Variants in TMEM120B observed in about 807,000 individuals in gnomAD.
TMEM120B encodes transmembrane protein 120B.
A neutral mutation model predicts 55.5 loss-of-function variants in TMEM120B; 31 were observed. The observed-to-expected ratio is 0.56, with a 90% CI of 0.42 to 0.75. The LOEUF (loss-of-function observed/expected upper bound fraction) is 0.75. Ranked by LOEUF, TMEM120B falls within the 30% of genes least tolerant of loss-of-function variation. TMEM120B has a pLI of 0.00. For missense variants in TMEM120B, 399 were observed against 425.5 expected (o/e 0.94, Z 0.55); for synonymous variants, 203 against 176.3 (o/e 1.15, Z -1.20).
chr12:121,768,649 G>A (rs1873923644), intron 6 of TMEM120B, among the ~76,000 whole-genome samples: 1 of 152,210 alleles, frequency 6.6e-6, no homozygotes, highest in Non-Finnish European at 1.5e-5. Flanking sequence ...GGGGAGGAGG[G>A]AGTTGGCTGC....
At chr12:121,743,347 G>A (rs1037375166) in intron 1 of TMEM120B, among the ~76,000 whole-genome samples, 4 of 151,320 alleles carry the variant, frequency 2.6e-5, no homozygotes, top group Non-Finnish European at 5.9e-5. Flanking sequence ...CCAGGAGTTC[G>A]AGACCAGCCT....
chr12:121,762,690 GA>G (rs1184939459), intron 6 of TMEM120B, among the ~76,000 whole-genome samples: 6 of 152,222 alleles, frequency 3.9e-5, no homozygotes, highest in African/African-American at 1.2e-4. Flanking sequence ...GGGTTTTGGT[GA>G]CAAGAGTGGG....
intron 5 of TMEM120B, among the ~76,000 whole-genome samples, chr12:121,759,670 T>G (rs1873605599): frequency 6.7e-6 from 1 of 149,226 alleles, no homozygotes; most frequent in Non-Finnish European, 1.5e-5. Flanking sequence ...AGAGTGAAAC[T>G]CCGTGTCAAA....
chr12:121,722,377 G>A (rs139993019), intron 1 of TMEM120B, among the ~76,000 whole-genome samples: 4 of 152,264 alleles, frequency 2.6e-5, no homozygotes, highest in Non-Finnish European at 4.4e-5. Flanking sequence ...GATTAGAGGC[G>A]TAAGCCACTG....
At chr12:121,727,467 T>C (rs555544988) in intron 1 of TMEM120B, among the ~76,000 whole-genome samples, 126 of 149,728 alleles carry the variant, frequency 8.4e-4, no homozygotes, top group Non-Finnish European at 1.5e-3. Flanking sequence ...GCTGGGGAAG[T>C]TGAGGCTGTG....
chr12:121,718,900 C>T (rs1398627370), intron 1 of TMEM120B, among the ~76,000 whole-genome samples: 1 of 152,150 alleles, frequency 6.6e-6, no homozygotes, highest in African/African-American at 2.4e-5. Context: ...GGATGTCTCT[C>T]TCTCTCTCCT....
chr12:121,775,717 C>A lies in TMEM120B; in HGVS notation c.1015C>A (p.Pro339Thr), dbSNP rs1468285361. The part of the protein sequence containing the change: ...LQKNRGKTKQ[P>T] ...GAAGAACAGAGGCAAGACAAAGCAGCCGTGAGCCTCGGGCTCCTGTGCCCT... is the reference window on the plus strand; with the variant it reads ...GAAGAACAGAGGCAAGACAAAGCAGACGTGAGCCTCGGGCTCCTGTGCCCT... Residue 339 changes from proline (P) to threonine (T), a missense_variant, in exon 12 of 12, where the codon CCG (proline) becomes ACG (threonine). By Grantham distance (38) the Pro-to-Thr change is conservative. This residue lies in a region of TMEM120B where 260 missense variants were observed against 303.9 expected (regional missense o/e 0.86). Transcript: ENST00000449592. This position sits in a 1 kb window ranked among gnomAD's most constrained non-coding sequence, Gnocchi z 4.3. 6.2e-7 allele frequency: 1 copy of A among 1,613,908 alleles called. No individual in the cohort carries two copies. Among genetic ancestry groups the A allele is most frequent in the African/African-American group, 1.3e-5 (1 of 75,050 alleles).
intron 3 of TMEM120B, among the ~76,000 whole-genome samples, chr12:121,749,549 G>C (rs901503680): frequency 3.5e-4 from 53 of 152,256 alleles, no homozygotes; most frequent in African/African-American, 1.3e-3. Flanking sequence ...GTGCTGGTGT[G>C]TACCCATAAT....
At chr12:121,724,222 A>T (rs1383996293) in intron 1 of TMEM120B, among the ~76,000 whole-genome samples, 2 of 151,788 alleles carry the variant, frequency 1.3e-5, no homozygotes, top group Non-Finnish European at 2.9e-5. Flanking sequence ...TATTTTTAGT[A>T]GAGACGGTTT....
chr12:121,734,597 T>G (rs1895069638), intron 1 of TMEM120B, among the ~76,000 whole-genome samples: 1 of 151,772 alleles, frequency 6.6e-6, no homozygotes, highest in African/African-American at 2.4e-5. Flanking sequence ...GTTTGCAAAA[T>G]AAGTTTTATT....
intron 2 of TMEM120B, among the ~76,000 whole-genome samples, chr12:121,746,756 C>T (rs1267478657): frequency 6.6e-6 from 1 of 151,970 alleles, no homozygotes; most frequent in African/African-American, 2.4e-5. Flanking sequence ...AGATCGAGAC[C>T]ATCCTGGCTA....
chr12:121,713,552 G>T (rs540983752), intron 1 of TMEM120B, among the ~76,000 whole-genome samples: 1 of 152,264 alleles, frequency 6.6e-6, no homozygotes, highest in South Asian at 2.1e-4. Context: ...CTGTCAGTTC[G>T]GACAGCTGAG....
In TMEM120B at chr12:121,780,966, A is replaced by G. The variant is rs772715001; in HGVS notation, c.*5244A>G. 5.0e-5 allele frequency: 80 copies of G among 1,613,918 alleles called. No homozygotes were observed. The highest frequency in any genetic ancestry group is 6.4e-5 in the Non-Finnish European group (75 of 1,179,968). On this transcript the variant is annotated 3_prime_UTR_variant, in exon 12 of 12. Transcript: ENST00000449592. ...GTCTGTCTTGCAGCCGATGAGCACC[A>G]TGGGGATCCCGCGGCAGAAATGCGT...
At position 121,779,809 on chromosome 12, in the gene TMEM120B, TCA is replaced by T. The variant is rs976279404; in HGVS notation, c.*4090_*4091del. ...CTGTCTCCTCCATCCTGGCTGCCCCTCACAGTGTGTGGGTGGAATGGAGGGCC... is the reference window on the plus strand; with the variant it reads ...CTGTCTCCTCCATCCTGGCTGCCCCTCAGTGTGTGGGTGGAATGGAGGGCC... On this transcript the variant is annotated 3_prime_UTR_variant, in exon 12 of 12. Coordinates refer to ENST00000449592, the MANE Select transcript of TMEM120B (RefSeq NM_001080825.2). 2.0e-5 allele frequency: 16 copies of T among 812,684 alleles called. No homozygotes were observed. Among genetic ancestry groups the T allele is most frequent in the African/African-American group, 1.9e-4 (11 of 58,018 alleles). The allele number at this position is 812,684 out of a possible 1,614,324, so 50.3% of individuals were successfully genotyped here. A position where few individuals can be genotyped will look rare whatever the true frequency, so the allele number is the denominator to read the frequency against.
At chr12:121,715,064 G>A (rs1353302993) in intron 1 of TMEM120B, among the ~76,000 whole-genome samples, 2 of 152,114 alleles carry the variant, frequency 1.3e-5, no homozygotes, top group Non-Finnish European at 2.9e-5. Flanking sequence ...GAGGCCCAGC[G>A]CGGCGGCTCA....
At chr12:121,739,228 C>T (rs549440898) in intron 1 of TMEM120B, among the ~76,000 whole-genome samples, 51 of 152,038 alleles carry the variant, frequency 3.4e-4, no homozygotes, top group African/African-American at 1.2e-3. Context: ...TCACGAAAGA[C>T]AGAGATTGGG....
At chr12:121,766,481 GC>G (rs1212404676) in intron 6 of TMEM120B, among the ~76,000 whole-genome samples, 1 of 152,116 alleles carries the variant, frequency 6.6e-6, no homozygotes, top group Non-Finnish European at 1.5e-5. Flanking sequence ...GCCCCCAGCG[GC>G]CCCCAGGCAG....
At chr12:121,760,339 CG>C (rs1873632690) in intron 5 of TMEM120B, among the ~76,000 whole-genome samples, 1 of 151,518 alleles carries the variant, frequency 6.6e-6, no homozygotes, top group Non-Finnish European at 1.5e-5. Flanking sequence ...GAGGGCCGAG[CG>C]GGCATCTTGG....
In TMEM120B at chr12:121,775,013, G is replaced by A. The variant is rs555124575; in HGVS notation, c.838-49G>A. 40 of 1,606,478 alleles carry A rather than the reference G, an allele frequency of 2.5e-5. No homozygotes were observed. In the African/African-American group the frequency reaches 4.1e-4, roughly 17 times the overall value. On this transcript the variant is annotated intron_variant, in intron 10 of 11. Transcript: ENST00000449592. This position sits in a 1 kb window ranked among gnomAD's most constrained non-coding sequence, Gnocchi z 4.3. ...GGCCATCACCCTGGCTTTCTACGTG[G>A]CCGGCCAGGGGAGTCTGGTGGGTGA...
Sources: gnomAD v4.1 joint callset for allele counts (sites outside exome capture counted in the v4.1 genomes callset) on GRCh38, gnomAD v4.1.1 for gene constraint, gnomAD v4.1.1 regional missense constraint, Gnocchi (gnomAD v3.1) non-coding constraint, MANE v1.5 for transcripts, NCBI Gene and HGNC (gene_info 2026-07-23, HGNC 2026-07-21) for gene names.